CDK5RAP2: variants seen among roughly 807,000 people sequenced by gnomAD.
CDK5RAP2 encodes CDK5 regulatory subunit-associated protein 2.
Under a neutral mutation model 232.9 loss-of-function variants are expected in CDK5RAP2, and 147 were observed. That is an observed-to-expected ratio of 0.63 (90% confidence interval 0.55 to 0.72). The LOEUF (loss-of-function observed/expected upper bound fraction) is 0.72. Among genes scored for constraint, CDK5RAP2 ranks in the 30% least tolerant of loss-of-function variants. The probability of loss-of-function intolerance (pLI) is 0.00; values close to 1 mark genes in which losing one functional copy is unlikely to be tolerated. For synonymous variants in CDK5RAP2, 833 were observed against 833.7 expected (o/e 1.00, Z 0.01); for missense variants, 2,195 against 2,231.5 (o/e 0.98, Z 0.33).
chr9:120,401,710 T>G (rs1217793357), intron 34 of CDK5RAP2, among the ~76,000 whole-genome samples: 1 of 150,682 alleles, frequency 6.6e-6, no homozygotes, highest in East Asian at 2.0e-4. Context: ...CTGGGCTGGG[T>G]GCAGTGGCTC....
At chr9:120,494,575 C>A (rs2039065435) in intron 12 of CDK5RAP2, among the ~76,000 whole-genome samples, 1 of 151,864 alleles carries the variant, frequency 6.6e-6, no homozygotes, top group Non-Finnish European at 1.5e-5. Context: ...TAGAGTAAAA[C>A]AGTATCTGCA....
At chr9:120,407,965 A>G in intron 31 of CDK5RAP2, 1 of 305,944 alleles carries the variant, frequency 3.3e-6, no homozygotes, top group Non-Finnish European at 6.4e-6. Context: ...TGTGTCAGGT[A>G]TCTTGCTAGG....
At chr9:120,548,111 G>A (rs568640499) in intron 4 of CDK5RAP2, among the ~76,000 whole-genome samples, 18 of 152,280 alleles carry the variant, frequency 1.2e-4, no homozygotes, top group Admixed American at 5.9e-4. Context: ...CTTCTTCACT[G>A]TCAAACAACA....
At chr9:120,494,090 T>TA (rs532352159) in intron 12 of CDK5RAP2, among the ~76,000 whole-genome samples, 4,036 of 119,196 alleles carry the variant, frequency 0.034, 154 homozygotes, top group African/African-American at 0.1. Context: ...AGACTCAGTT[T>TA]AAAAAAAAAA....
At chr9:120,443,134 A>G (rs1048370092) in intron 23 of CDK5RAP2, among the ~76,000 whole-genome samples, 3 of 152,172 alleles carry the variant, frequency 2.0e-5, no homozygotes, top group African/African-American at 7.2e-5. Context: ...GTATCTCTGC[A>G]CCTTTTCCAC....
At chr9:120,557,914 C>T (rs577772140) in intron 3 of CDK5RAP2, among the ~76,000 whole-genome samples, 86 of 149,746 alleles carry the variant, frequency 5.7e-4, no homozygotes, top group African/African-American at 2.0e-3. Context: ...TACAGGTGCC[C>T]GCCACCACAC....
chr9:120,471,723 G>A (rs1486198884), intron 16 of CDK5RAP2, 25 bp downstream of exon 16: 3 of 1,613,804 alleles, frequency 1.9e-6, no homozygotes, highest in Admixed American at 1.7e-5. Context: ...AAACCAAAGA[G>A]AAGCACATAG....
intron 14 of CDK5RAP2, among the ~76,000 whole-genome samples, chr9:120,481,502 C>CT (rs544616509): frequency 0.017 from 2,274 of 133,536 alleles, 54 homozygotes; most frequent in African/African-American, 0.047. Context: ...ATATTGTTTT[C>CT]TTTTTTTTTT....
intron 3 of CDK5RAP2, among the ~76,000 whole-genome samples, chr9:120,564,500 AAAAAT>A (rs2042577865): frequency 2.0e-5 from 3 of 151,538 alleles, no homozygotes; most frequent in African/African-American, 7.3e-5. Context: ...AAAAAAATAA[AAAAAT>A]AAAAAATCAT....
In CDK5RAP2 at chr9:120,388,951, C is replaced by A. The variant is rs543647441; in HGVS notation, c.*285G>T. 1.1e-5 allele frequency: 6 copies of A among 529,624 alleles called. No individual in the cohort carries two copies. In the African/African-American group the frequency reaches 1.1e-4, roughly 10 times the overall value. The allele number at this position is 529,624 out of a possible 1,614,324, so 32.8% of individuals were successfully genotyped here. ...AGTACTAAGCAAATCCAGGGGAAGA[C>A]GTGAAGCCCACCAAGGCGCACAGCC... On this transcript the variant is annotated 3_prime_UTR_variant, in exon 38 of 38. Transcript: ENST00000349780.
intron 27 of CDK5RAP2, 74 bp from the exon 28 acceptor site, chr9:120,415,233 G>T: frequency 2.6e-6 from 4 of 1,544,232 alleles, no homozygotes; most frequent in Non-Finnish European, 2.7e-6. Flanking sequence ...ATTATGCAGG[G>T]ATCCTGAAAT....
chr9:120,460,503 C>T (rs2037022430), intron 19 of CDK5RAP2, 69 bp downstream of exon 19: 3 of 1,453,240 alleles, frequency 2.1e-6, no homozygotes, highest in Middle Eastern at 1.7e-4. Flanking sequence ...GGACTCATTC[C>T]AGACTCGAAG....
intron 3 of CDK5RAP2, among the ~76,000 whole-genome samples, chr9:120,553,669 T>C (rs541512305): frequency 3.0e-4 from 45 of 152,382 alleles, no homozygotes; most frequent in Admixed American, 2.3e-3. Context: ...GTGATGGTTA[T>C]AGGGTATGCT....
chr9:120,481,871 G>A (rs1009743966), intron 14 of CDK5RAP2, among the ~76,000 whole-genome samples: 2 of 152,172 alleles, frequency 1.3e-5, no homozygotes, highest in Admixed American at 6.5e-5. Flanking sequence ...GTCCTGGAGC[G>A]TTAAAGAGAT....
At chr9:120,575,187 G>C (rs2042988777) in intron 1 of CDK5RAP2, among the ~76,000 whole-genome samples, 1 of 152,094 alleles carries the variant, frequency 6.6e-6, no homozygotes, top group African/African-American at 2.4e-5. Context: ...AAGTAGCTAG[G>C]ATTACAGGCA....
intron 25 of CDK5RAP2, among the ~76,000 whole-genome samples, chr9:120,428,447 T>C (rs2035058967): frequency 6.6e-6 from 1 of 152,102 alleles, no homozygotes; most frequent in African/African-American, 2.4e-5. Flanking sequence ...CCCAAAGAAA[T>C]ACAAACTACC....
At chr9:120,463,490 T>C (rs1298944453) in intron 18 of CDK5RAP2, among the ~76,000 whole-genome samples, 1 of 152,244 alleles carries the variant, frequency 6.6e-6, no homozygotes, top group Admixed American at 6.5e-5. Context: ...CCTTCTGCAA[T>C]GTGGCTTTAC....
intron 25 of CDK5RAP2, 35 bp downstream of exon 25, chr9:120,437,260 G>T: frequency 6.8e-7 from 1 of 1,465,130 alleles, no homozygotes; most frequent in Non-Finnish European, 9.4e-7. Flanking sequence ...GTCAATTACT[G>T]ATGTCTTAAG....
At chr9:120,447,198 C>T (rs10818456) in intron 22 of CDK5RAP2, among the ~76,000 whole-genome samples, 8,360 of 152,196 alleles carry the variant, frequency 0.055, 339 homozygotes, top group Non-Finnish European at 0.077. Context: ...GGATCATGAG[C>T]CCTGAGAAAA....
Sources: allele counts gnomAD v4.1 joint callset (sites outside exome capture counted in the v4.1 genomes callset), GRCh38; gene constraint gnomAD v4.1.1; transcripts MANE v1.5; gene names NCBI Gene and HGNC (gene_info 2026-07-23, HGNC 2026-07-21).